GDPD2: variants seen among roughly 807,000 people sequenced by gnomAD.
GDPD2 encodes the protein glycerophosphodiester phosphodiesterase domain containing 2, also known as glycerophosphodiester phosphodiesterase 3.
Under a neutral mutation model 49.2 loss-of-function variants are expected in GDPD2, and 23 were observed. That is an observed-to-expected ratio of 0.47 (90% CI 0.34 to 0.66). GDPD2 has a LOEUF of 0.66. Ranked by LOEUF, GDPD2 falls within the 30% of genes least tolerant of loss-of-function variation. The pLI is 0.01. For synonymous variants in GDPD2, 167 were observed against 171.4 expected (o/e 0.97, Z 0.20); for missense variants, 338 against 424.7 (o/e 0.80, Z 1.79).
rs766853311 is a variant in GDPD2, at chrX:70,426,363, C to T, written c.364-8C>T. 9 of 1,203,727 alleles carry T rather than the reference C, an allele frequency of 7.5e-6. No homozygotes were observed. The highest frequency in any genetic ancestry group is 1.8e-5 in the South Asian group (1 of 56,279). The stretch of plus-strand genomic sequence containing the variant: ...ACCAAGAGGCCTCATTCATCCCTGG[C>T]CCCCCAGGTGCTGCTGCTCCTCATT... On this transcript the variant is annotated splice_region_variant and splice_polypyrimidine_tract_variant and intron_variant, in intron 5 of 15. Coordinates refer to ENST00000374382, the MANE Select transcript of GDPD2 (RefSeq NM_017711.4).
At chrX:70,426,504 C>G in intron 6 of GDPD2, 35 bp downstream of exon 6, 1 of 1,147,066 alleles carries the variant, frequency 8.7e-7, no homozygotes. Flanking sequence ...AGACGGGAGC[C>G]TTGGCTTGCA....
rs2086435376 is a variant in GDPD2, at chrX:70,427,364, G to A, written c.837G>A (p.Thr279=). ...ATGATGAGCACCTCAGCAGGACCAC[G>A]AATGTAGCCTCTGTATTCCCAACCC... ...LMHDEHLSRT[T]NVASVFPTRI... Residue 279 remains threonine (T), a synonymous_variant, in exon 10 of 16, where the codon ACG becomes ACA. Coordinates refer to ENST00000374382, the MANE Select transcript of GDPD2 (RefSeq NM_017711.4). 3.3e-6 allele frequency: 4 copies of A among 1,208,852 alleles called. No individual in the cohort carries two copies. Among genetic ancestry groups the A allele is most frequent in the East Asian group, 3.0e-5 (1 of 33,814 alleles).
chrX:70,424,834 C>T, intron 1 of GDPD2, 142 bp from the exon 2 acceptor site: 3 of 431,357 alleles, frequency 7.0e-6, no homozygotes, highest in Non-Finnish European at 1.2e-5. Flanking sequence ...CACTCTGGCA[C>T]TCTGGGCCTG....
intron 3 of GDPD2, 45 bp downstream of exon 3, chrX:70,425,502 T>A (rs1447965315): frequency 1.1e-6 from 1 of 905,654 alleles, no homozygotes; most frequent in Non-Finnish European, 1.6e-6. Flanking sequence ...CCTGTCAACC[T>A]GCTCCCCACC....
chrX:70,427,557 C>T (rs961420430), intron 10 of GDPD2, 94 bp downstream of exon 10: 3 of 739,187 alleles, frequency 4.1e-6, no homozygotes, highest in African/African-American at 4.2e-5. Context: ...CAGCCCTGTG[C>T]TAGGCAATAA....
At chrX:70,431,103 G>A in intron 12 of GDPD2, 2 of 1,147,508 alleles carry the variant, frequency 1.7e-6, no homozygotes, top group Non-Finnish European at 2.3e-6. Context: ...CCGGTTATAA[G>A]CATGAGCTAT....
intron 14 of GDPD2, 110 bp downstream of exon 14, chrX:70,432,771 C>A: frequency 1.4e-6 from 1 of 725,938 alleles, no homozygotes; most frequent in Non-Finnish European, 2.2e-6. Flanking sequence ...CTCTTTAGTT[C>A]CTTTGAGATT....
At chrX:70,431,211 T>C (rs2086474207) in intron 12 of GDPD2, 1 of 665,064 alleles carries the variant, frequency 1.5e-6, no homozygotes, top group African/African-American at 2.2e-5. Context: ...TCCTGGTCAA[T>C]ATCAGCTGCT....
Position 70,429,512 on chromosome X carries a change from C to G in GDPD2, c.956C>G (p.Ala319Gly), listed in dbSNP as rs138078714. The change falls in exon 11 of 16, where the codon GCC becomes GGC. Residue 319 changes from alanine to glycine, a missense_variant. By Grantham distance (60) the Ala-to-Gly change is moderately conservative. Transcript: ENST00000374382. ...WFLERRPFWGAKPLAGPDQKE... is the reference protein window; with the variant it reads ...WFLERRPFWGGKPLAGPDQKE... The stretch of plus-strand genomic sequence containing the variant: ...TTATAGAGGCGACCCTTCTGGGGGG[C>G]CAAACCGCTGGCAGGCCCTGATCAG... 5.4e-5 allele frequency: 65 copies of G among 1,202,020 alleles called. No individual in the cohort carries two copies. The African/African-American group carries it at 9.8e-4, about 18-fold the overall frequency.
intron 13 of GDPD2, 26 bp from the exon 14 acceptor site, chrX:70,432,553 C>A: frequency 8.6e-7 from 1 of 1,162,098 alleles, no homozygotes; most frequent in Non-Finnish European, 1.2e-6. Context: ...ACATTCTACC[C>A]TTGGGGCCTT....
chrX:70,433,103 C>T lies in GDPD2; in HGVS notation c.*17C>T. 1 of 1,158,547 alleles carries T rather than the reference C, an allele frequency of 8.6e-7. No individual in the cohort carries two copies. The highest frequency in any genetic ancestry group is 1.2e-6 in the Non-Finnish European group (1 of 849,664). On this transcript the variant is annotated 3_prime_UTR_variant, in exon 16 of 16. Transcript: ENST00000374382. ...ATGGAGTGAATGCCCTGCCCTGCTTCCCCACCCAAGCCAGTCTACATTGCC... is the reference window on the plus strand; with the variant it reads ...ATGGAGTGAATGCCCTGCCCTGCTTTCCCACCCAAGCCAGTCTACATTGCC...
chrX:70,425,329 G>A, intron 2 of GDPD2, 25 bp from the exon 3 acceptor site: 1 of 1,044,542 alleles, frequency 9.6e-7, no homozygotes, highest in South Asian at 1.9e-5. Context: ...TATTGGTTGT[G>A]AGTTTCTCTC....
rs577631724 is a variant in GDPD2 at position 70,425,962 on chromosome X, G to A, written c.304-90G>A. 6.4e-5 allele frequency: 58 copies of A among 907,119 alleles called. 1 individual carries two copies. In the South Asian group the frequency reaches 1.0e-3, roughly 16 times the overall value. 74.8% of individuals were successfully genotyped at this position (907,119 alleles called of 1,213,427 possible). A position where few individuals can be genotyped will look rare whatever the true frequency, so the allele number is the denominator to read the frequency against. The stretch of plus-strand genomic sequence containing the variant: ...ACTGAGGGAGGGGGCTAATTCTTGG[G>A]TAGGAGGGAAGTACCAGCCTGGGAA... On this transcript the variant is annotated intron_variant, in intron 4 of 15. Coordinates refer to ENST00000374382, the MANE Select transcript of GDPD2 (RefSeq NM_017711.4).
chrX:70,426,592 A>G, intron 6 of GDPD2, 56 bp from the exon 7 acceptor site: 1 of 1,061,457 alleles, frequency 9.4e-7, no homozygotes, highest in Non-Finnish European at 1.3e-6. Flanking sequence ...AGGCCCTAAG[A>G]GGAAAGCGGG....
At position 70,426,419 on chromosome X, in the gene GDPD2, C is replaced by T; in HGVS notation, c.412C>T (p.Leu138=). ...MLLVAAGLVG[L]DIQWQQEWHS... is the part of the protein sequence containing the mutation. Reference sequence around the variant, plus strand: ...GCTTGTGGCGGCTGGCCTTGTGGGACTGGACATCCAATGGCAGCAGGAGTG... The same window carrying T: ...GCTTGTGGCGGCTGGCCTTGTGGGATTGGACATCCAATGGCAGCAGGAGTG... The change falls in exon 6 of 16, where the codon CTG becomes TTG. Residue 138 remains leucine (L), a synonymous_variant. Transcript: ENST00000374382. 1 of 1,211,792 alleles carries T rather than the reference C, an allele frequency of 8.3e-7. No individual in the cohort carries two copies. Among genetic ancestry groups the T allele is most frequent in the Non-Finnish European group, 1.1e-6 (1 of 895,326 alleles).
rs1461945278 is a variant in GDPD2 at position 70,429,510 on chromosome X, G to T, written c.954G>T (p.Gly318=). 1 of 1,203,478 alleles carries T rather than the reference G, an allele frequency of 8.3e-7. No individual in the cohort carries two copies. The highest frequency in any genetic ancestry group is 1.1e-6 in the Non-Finnish European group (1 of 888,493). The change falls in exon 11 of 16, where the codon GGG becomes GGT. Residue 318 remains glycine (G), a synonymous_variant. Coordinates refer to ENST00000374382, the MANE Select transcript of GDPD2 (RefSeq NM_017711.4). ...TCTTATAGAGGCGACCCTTCTGGGG[G>T]GCCAAACCGCTGGCAGGCCCTGATC... is the stretch of plus-strand genomic sequence containing the variant. The part of the protein sequence containing the change: ...SWFLERRPFW[G]AKPLAGPDQK...
In GDPD2 at chrX:70,424,957, C is replaced by G. The variant is rs764232788; in HGVS notation, c.-9-19C>G. Reference sequence around the variant, plus strand: ...GCCCTCTGCCAGGGTCCCTGATGGTCGAGTGTCCCTTCCCCCAGGCCTTCA... The same window carrying G: ...GCCCTCTGCCAGGGTCCCTGATGGTGGAGTGTCCCTTCCCCCAGGCCTTCA... On this transcript the variant is annotated intron_variant, in intron 1 of 15. Coordinates refer to ENST00000374382, the MANE Select transcript of GDPD2 (RefSeq NM_017711.4). The G allele has an allele frequency of 2.8e-6, 3 of 1,056,577 alleles. No individual in the cohort carries two copies. The East Asian group carries it at 9.5e-5, about 33-fold the overall frequency. The allele number at this position is 1,056,577 out of a possible 1,213,427, so 87.1% of individuals were successfully genotyped here.
chrX:70,427,583 T>A, intron 10 of GDPD2, 120 bp downstream of exon 10: 1 of 571,911 alleles, frequency 1.7e-6, no homozygotes, highest in Non-Finnish European at 2.7e-6. Context: ...TAGTCTGTGC[T>A]CTCAAGTCAC....
intron 12 of GDPD2, among the ~76,000 whole-genome samples, chrX:70,430,804 TA>T (rs112279261): frequency 0.02 from 2,211 of 111,256 alleles, 65 homozygotes; most frequent in African/African-American, 0.069. Flanking sequence ...GAATTTTAAT[TA>T]AAAAAATTTT....
Sources: allele counts gnomAD v4.1 joint callset (sites outside exome capture counted in the v4.1 genomes callset), GRCh38; gene constraint gnomAD v4.1.1; transcripts MANE v1.5; gene names NCBI Gene and HGNC (gene_info 2026-07-23, HGNC 2026-07-21).